TTC28: variants seen among roughly 807,000 people sequenced by gnomAD.
TTC28 encodes tetratricopeptide repeat domain 28.
In TTC28, 61 loss-of-function variants were observed where a neutral mutation model predicts 198.0. The ratio of observed to expected loss-of-function variants is 0.31; its 90% confidence interval spans 0.25 to 0.38. The LOEUF (loss-of-function observed/expected upper bound fraction) is 0.38, where lower values mean the gene tolerates loss of function less well. Ranked by LOEUF, TTC28 falls within the 10% of genes least tolerant of loss-of-function variation. TTC28 has a pLI of 1.00. For missense variants in TTC28, 2,678 were observed against 3,164.0 expected, an observed-to-expected ratio of 0.85 and a Z score of 3.69; for synonymous variants, 1,171 against 1,297.8, an observed-to-expected ratio of 0.90 and a Z score of 2.10.
chr22:28,430,757 T>C (rs781404986), intron 2 of TTC28, among the ~76,000 whole-genome samples: 1 of 152,112 alleles, frequency 6.6e-6, no homozygotes, highest in African/African-American at 2.4e-5. Context: ...AGTTACTCAT[T>C]GGGCATTAAG....
intron 5 of TTC28, among the ~76,000 whole-genome samples, chr22:28,282,676 T>C (rs1475810389): frequency 6.6e-6 from 1 of 152,234 alleles, no homozygotes; most frequent in African/African-American, 2.4e-5. Context: ...CTGTCCATGA[T>C]AGAAGGCCTC....
intron 5 of TTC28, among the ~76,000 whole-genome samples, chr22:28,193,382 C>G (rs555857826): frequency 6.6e-6 from 1 of 152,122 alleles, no homozygotes; most frequent in South Asian, 2.1e-4. Flanking sequence ...CATCAACTAA[C>G]GGGCAAAATA....
At chr22:28,021,901 T>C (rs987091423) in intron 13 of TTC28, among the ~76,000 whole-genome samples, 2 of 152,214 alleles carry the variant, frequency 1.3e-5, no homozygotes, top group Non-Finnish European at 2.9e-5. Context: ...ATATGGGGCA[T>C]CTTCTAGAGT....
intron 2 of TTC28, among the ~76,000 whole-genome samples, chr22:28,416,988 T>C (rs2047176054): frequency 6.6e-6 from 1 of 152,160 alleles, no homozygotes; most frequent in African/African-American, 2.4e-5. Flanking sequence ...GCGAGTTTCT[T>C]TTAGCACAGT....
chr22:28,027,654 C>A (rs1938889175), intron 13 of TTC28, among the ~76,000 whole-genome samples: 1 of 152,224 alleles, frequency 6.6e-6, no homozygotes. Flanking sequence ...TGGCTCCAGG[C>A]TACAAGGACT....
intron 21 of TTC28, 41 bp downstream of exon 21, chr22:27,989,837 G>A (rs1163714105): frequency 1.3e-6 from 2 of 1,526,958 alleles, no homozygotes; most frequent in African/African-American, 2.8e-5. Flanking sequence ...TTTAAAAGAT[G>A]GAATTCAAGA....
intron 2 of TTC28, among the ~76,000 whole-genome samples, chr22:28,531,487 T>A (rs1439817676): frequency 6.6e-6 from 1 of 152,128 alleles, no homozygotes; most frequent in Non-Finnish European, 1.5e-5. Context: ...ACTGTCAACA[T>A]TAAACAGATC....
rs1409625873 is a variant in TTC28, at chr22:28,371,598, A to ATTTTTTTTTTTT, written c.382-64967_382-64956dup. On this transcript the variant is annotated intron_variant, in intron 2 of 22. Transcript: ENST00000397906. ...ATCTTAACCAAAAAAAAAAAAAAAA[A>ATTTTTTTTTTTT]TTTTTTTTTTTTTTGAGACAGAGTC... is the stretch of plus-strand genomic sequence containing the variant. 7.9e-3 allele frequency among the ~76,000 whole-genome samples: 218 copies of ATTTTTTTTTTTT among 27,758 alleles called. 77 individuals are homozygous for ATTTTTTTTTTTT. Among genetic ancestry groups the ATTTTTTTTTTTT allele is most frequent in the Non-Finnish European group, 9.4e-3 (163 of 17,360 alleles). The allele number at this position is 27,758 out of a possible 152,430, so 18.2% of individuals were successfully genotyped here. A position where few individuals can be genotyped will look rare whatever the true frequency, so the allele number is the denominator to read the frequency against.
intron 2 of TTC28, among the ~76,000 whole-genome samples, chr22:28,618,080 C>G (rs1445101802): frequency 4.6e-5 from 7 of 152,020 alleles, no homozygotes. Context: ...CGAGACCAGC[C>G]TGGCCAACAT....
At chr22:28,656,806 T>C (rs1248305585) in intron 1 of TTC28, among the ~76,000 whole-genome samples, 2 of 152,114 alleles carry the variant, frequency 1.3e-5, no homozygotes, top group Non-Finnish European at 1.5e-5. Context: ...GAGATATACC[T>C]AATGTAAATG....
chr22:28,568,768 T>C (rs1335813823), intron 2 of TTC28, among the ~76,000 whole-genome samples: 3 of 152,342 alleles, frequency 2.0e-5, no homozygotes, highest in Admixed American at 1.3e-4. Context: ...AAAATGGTCA[T>C]ACTGCCCAAA....
intron 6 of TTC28, among the ~76,000 whole-genome samples, chr22:28,125,163 G>A (rs1942884727): frequency 6.6e-6 from 1 of 152,186 alleles, no homozygotes. Context: ...TTGTTTTCCA[G>A]ATGGAGAATT....
In TTC28 at chr22:28,347,221, A is replaced by G. The variant is rs190009801; in HGVS notation, c.382-40578T>C. 2.7e-3 allele frequency among the ~76,000 whole-genome samples: 413 copies of G among 150,974 alleles called. 2 individuals are homozygous for G. The highest frequency in any genetic ancestry group is 4.7e-3 in the Non-Finnish European group (321 of 67,764). On this transcript the variant is annotated intron_variant, in intron 2 of 22. Coordinates refer to ENST00000397906, the MANE Select transcript of TTC28 (RefSeq NM_001145418.2). The stretch of plus-strand genomic sequence containing the variant: ...GGAGGTTGCAGTGAGCCAACATCAT[A>G]CCACTGCACTCCAGCCTGAGCAACA...
At chr22:28,450,475 T>A (rs2047762769) in intron 2 of TTC28, among the ~76,000 whole-genome samples, 1 of 152,212 alleles carries the variant, frequency 6.6e-6, no homozygotes, top group Non-Finnish European at 1.5e-5. Flanking sequence ...ATGGACATAA[T>A]AATAACACCT....
chr22:27,997,028 C>T (rs1018088473), intron 16 of TTC28, among the ~76,000 whole-genome samples: 1 of 152,242 alleles, frequency 6.6e-6, no homozygotes, highest in African/African-American at 2.4e-5. Flanking sequence ...CAGGTCCCCA[C>T]AAGCCCTGCA....
At chr22:28,056,177 C>T (rs536831078) in intron 12 of TTC28, 2 of 152,194 alleles carry the variant, frequency 1.3e-5, no homozygotes, top group Admixed American at 6.5e-5. Context: ...GCTATGTTGC[C>T]ATGGCTGGAG....
At chr22:28,366,461 C>T (rs753394092) in intron 2 of TTC28, among the ~76,000 whole-genome samples, 5 of 151,454 alleles carry the variant, frequency 3.3e-5, no homozygotes, top group Non-Finnish European at 7.4e-5. Context: ...TAGATCATAG[C>T]GGTTAGGAAA....
At chr22:28,630,700 C>T (rs1291498795) in intron 1 of TTC28, among the ~76,000 whole-genome samples, 3 of 152,148 alleles carry the variant, frequency 2.0e-5, no homozygotes, top group African/African-American at 4.8e-5. Flanking sequence ...ATCTGCTCTA[C>T]ATTATATTTA....
intron 12 of TTC28, among the ~76,000 whole-genome samples, chr22:28,076,313 G>A (rs1270719451): frequency 6.6e-6 from 1 of 152,208 alleles, no homozygotes; most frequent in East Asian, 1.9e-4. Context: ...ATAGTCACCA[G>A]TGCATGGGGA....
Sources: allele counts gnomAD v4.1 joint callset (sites outside exome capture counted in the v4.1 genomes callset), GRCh38; gene constraint gnomAD v4.1.1; transcripts MANE v1.5; gene names NCBI Gene and HGNC (gene_info 2026-07-23, HGNC 2026-07-21).